Variants in SLC66A1 observed in about 807,000 individuals in gnomAD.
The protein encoded by SLC66A1 is solute carrier family 66 member 1, also known as lysosomal amino acid transporter 1 homolog.
SLC66A1 carries 23 observed loss-of-function variants against 33.0 expected under a neutral mutation model. The ratio of observed to expected loss-of-function variants is 0.70; its 90% CI spans 0.50 to 0.99. SLC66A1 has a LOEUF of 0.99. SLC66A1 is among the 50% of genes least tolerant of loss of function. SLC66A1 has a pLI of 0.00. For synonymous variants in SLC66A1, 164 were observed against 175.5 expected, an observed-to-expected ratio of 0.93 and a Z score of 0.52; for missense variants, 335 against 383.6, an observed-to-expected ratio of 0.87 and a Z score of 1.06.
downstream of SLC66A1, among the ~76,000 whole-genome samples, chr1:19,333,899 C>CAAACAAAACAAAACAAAACA (rs71008144): frequency 3.4e-3 from 330 of 98,374 alleles, no homozygotes; most frequent in Middle Eastern, 0.018. The surrounding 1 kb of genome is among the most constrained non-coding windows in gnomAD (Gnocchi z 4.2). Context: ...GACCTTGTCT[C>CAAACAAAACAAAACAAAACA]AAACAAAACA....
At chr1:19,317,989 T>C (rs1383729909) in intron 2 of SLC66A1, 148 bp downstream of exon 2, 1 of 1,254,888 alleles carries the variant, frequency 8.0e-7, no homozygotes, top group Non-Finnish European at 1.1e-6. Flanking sequence ...GGACCTGCAC[T>C]GATTGCTACC....
chr1:19,317,456 T>G, intron 1 of SLC66A1, 144 bp from the exon 2 acceptor site: 9 of 1,090,282 alleles, frequency 8.3e-6, no homozygotes, highest in Non-Finnish European at 1.1e-5. Flanking sequence ...GATTGGGTCC[T>G]GGTGGGTGAA....
chr1:19,313,319 T>C (rs1012733919), intron 1 of SLC66A1: 21 of 855,150 alleles, frequency 2.5e-5, no homozygotes, highest in Non-Finnish European at 2.9e-5. Context: ...TTCCACCCTT[T>C]CTCCTTTCTC....
At position 19,328,513 on chromosome 1, in the gene SLC66A1, C is replaced by T; in HGVS notation, c.805-59C>T. 1 of 1,528,580 alleles carries T rather than the reference C, an allele frequency of 6.5e-7. No individual in the cohort carries two copies. Among genetic ancestry groups the T allele is most frequent in the Non-Finnish European group, 8.9e-7 (1 of 1,118,408 alleles). 94.7% of individuals were successfully genotyped at this position (1,528,580 alleles called of 1,614,324 possible). On this transcript the variant is annotated intron_variant, in intron 7 of 7. Transcript: ENST00000375153. The surrounding 1 kb of genome is among the most constrained non-coding windows in gnomAD (Gnocchi z 4.7). ...AGGCAGCTCCCAGGAGTCGAAGGCC[C>T]CCAGGGGCAGGTCCAACCCAGTCTC...
At chr1:19,327,981 C>G in intron 7 of SLC66A1, 2 of 259,186 alleles carry the variant, frequency 7.7e-6, no homozygotes, top group South Asian at 4.2e-5. Flanking sequence ...GGCACACAGT[C>G]AACCTCTCTG....
chr1:19,333,002 T>TGC (rs2093896850), downstream of SLC66A1, among the ~76,000 whole-genome samples: 1 of 152,174 alleles, frequency 6.6e-6, no homozygotes, highest in Non-Finnish European at 1.5e-5. This position sits in a 1 kb window ranked among gnomAD's most constrained non-coding sequence, Gnocchi z 4.2. Context: ...GGAAGTGACA[T>TGC]GCGCAGTGCC....
At chr1:19,316,583 G>A (rs547410462) in intron 1 of SLC66A1, among the ~76,000 whole-genome samples, 7 of 151,836 alleles carry the variant, frequency 4.6e-5, no homozygotes, top group East Asian at 1.9e-4. Flanking sequence ...TGGAGACAGC[G>A]TTGCCCAGCC....
Position 19,324,694 on chromosome 1 carries a change from C to A in SLC66A1, c.226C>A (p.Leu76Met). 6 of 1,614,254 alleles carry A rather than the reference C, an allele frequency of 3.7e-6. No homozygotes were observed. The South Asian group carries it at 5.5e-5, about 15-fold the overall frequency. The change falls in exon 3 of 8, where the codon CTG (leucine) becomes ATG (methionine). Residue 76 changes from leucine (L) to methionine (M), a missense_variant. Coordinates refer to ENST00000375153, the MANE Select transcript of SLC66A1 (RefSeq NM_001040125.2). ...MDQALSLWFL[L>M]GWIGGDSCNL... ...CCAGGCGCTGTCCCTGTGGTTCCTCCTGGGCTGGATTGGCGGAGACTCCTG... is the reference window on the plus strand; with the variant it reads ...CCAGGCGCTGTCCCTGTGGTTCCTCATGGGCTGGATTGGCGGAGACTCCTG...
intron 2 of SLC66A1, among the ~76,000 whole-genome samples, chr1:19,322,519 G>A (rs958359662): frequency 5.9e-5 from 9 of 152,130 alleles, no homozygotes; most frequent in African/African-American, 2.2e-4. Context: ...CCTTCTCAGT[G>A]CTGGGCCTAT....
chr1:19,318,816 CA>C, intron 2 of SLC66A1, among the ~76,000 whole-genome samples: 1 of 150,732 alleles, frequency 6.6e-6, no homozygotes, highest in East Asian at 1.9e-4. Flanking sequence ...AAATTAAAAA[CA>C]AAAAAGAAGG....
Position 19,327,210 on chromosome 1 carries a change from A to G in SLC66A1, c.619-17A>G. ...AGGCCTGTTCGAGGTCTCTGACCTG[A>G]CCTCCTCCTGCCCCAGTTCCTCCGG... On this transcript the variant is annotated splice_polypyrimidine_tract_variant and intron_variant, in intron 6 of 7. Coordinates refer to ENST00000375153, the MANE Select transcript of SLC66A1 (RefSeq NM_001040125.2). 6.2e-7 allele frequency: 1 copy of G among 1,606,412 alleles called. No individual in the cohort carries two copies. The highest frequency in any genetic ancestry group is 8.5e-7 in the Non-Finnish European group (1 of 1,173,962).
At chr1:19,313,240 C>T (rs2093786805) in intron 1 of SLC66A1, 1 of 985,376 alleles carries the variant, frequency 1.0e-6, no homozygotes, top group Non-Finnish European at 1.2e-6. Flanking sequence ...TGCTTTTCTC[C>T]TCAACCCTGG....
At chr1:19,327,550 T>TCCCTCCCC in intron 7 of SLC66A1, 138 bp downstream of exon 7, 1 of 827,714 alleles carries the variant, frequency 1.2e-6, no homozygotes. Context: ...CCTCCCTCCC[T>TCCCTCCCC]CCCTCCATCT....
At chr1:19,319,315 A>T (rs4912070) in intron 2 of SLC66A1, among the ~76,000 whole-genome samples, 1 of 152,078 alleles carries the variant, frequency 6.6e-6, no homozygotes, top group African/African-American at 2.4e-5. Context: ...AGTCCCTGCC[A>T]GCCACTAGTC....
chr1:19,332,627 T>C (rs1318342780), downstream of SLC66A1, among the ~76,000 whole-genome samples: 1 of 152,120 alleles, frequency 6.6e-6, no homozygotes, highest in Non-Finnish European at 1.5e-5. Context: ...AAAATTACAA[T>C]AAAGGCGAAT....
intron 2 of SLC66A1, among the ~76,000 whole-genome samples, chr1:19,322,671 C>T (rs565885933): frequency 7.9e-5 from 12 of 152,168 alleles, no homozygotes; most frequent in African/African-American, 2.7e-4. Context: ...TTTCCTGAGA[C>T]GGGAAAGATG....
intron 5 of SLC66A1, 46 bp downstream of exon 5, chr1:19,326,433 C>T (rs1160626453): frequency 6.2e-7 from 1 of 1,607,720 alleles, no homozygotes; most frequent in Non-Finnish European, 8.5e-7. Context: ...CTGGCTCATC[C>T]CCAGGGCTCT....
chr1:19,329,016 G>C lies in SLC66A1; in HGVS notation c.*373G>C. Reference sequence around the variant, plus strand: ...TCGCACCTGTAATCCTAGCACTTTGGGAGGCCGAAGCGGGTGGACCACTTG... The same window carrying C: ...TCGCACCTGTAATCCTAGCACTTTGCGAGGCCGAAGCGGGTGGACCACTTG... On this transcript the variant is annotated 3_prime_UTR_variant, in exon 8 of 8. Coordinates refer to ENST00000375153, the MANE Select transcript of SLC66A1 (RefSeq NM_001040125.2). 1 of 250,930 alleles carries C rather than the reference G, an allele frequency of 4.0e-6. No individual in the cohort carries two copies. Among genetic ancestry groups the C allele is most frequent in the Non-Finnish European group, 7.7e-6 (1 of 129,200 alleles). The allele number at this position is 250,930 out of a possible 1,614,324, so 15.5% of individuals were successfully genotyped here. A position where few individuals can be genotyped will look rare whatever the true frequency, so the allele number is the denominator to read the frequency against.
chr1:19,326,294 C>G lies in SLC66A1; in HGVS notation c.432C>G (p.Cys144Trp), dbSNP rs751998166. The change falls in exon 5 of 8, where the codon TGC (cysteine) becomes TGG (tryptophan). Residue 144 changes from cysteine (C) to tryptophan (W), a missense_variant. Transcript: ENST00000375153. Reference protein sequence around the residue: ...SVLLFLMGMACATPLLSAAGP... With the variant: ...SVLLFLMGMAWATPLLSAAGP... ...TGTTGTTCCTCATGGGGATGGCGTG[C>G]GCCACACCGCTGCTGAGTGCTGCTG... 2 of 1,606,802 alleles carry G rather than the reference C, an allele frequency of 1.2e-6. No homozygotes were observed. Among genetic ancestry groups the G allele is most frequent in the Admixed American group, 1.7e-5 (1 of 59,998 alleles).
Sources: allele counts gnomAD v4.1 joint callset (sites outside exome capture counted in the v4.1 genomes callset), GRCh38; gene constraint gnomAD v4.1.1; non-coding constraint Gnocchi (gnomAD v3.1); transcripts MANE v1.5; gene names NCBI Gene and HGNC (gene_info 2026-07-23, HGNC 2026-07-21).